DMPK: variants seen among roughly 807,000 people sequenced by gnomAD.
DMPK encodes the protein DM1 protein kinase, also known as myotonin-protein kinase.
Under a neutral mutation model 70.3 loss-of-function variants are expected in DMPK, and 32 were observed. The observed-to-expected ratio is 0.46, with a 90% CI of 0.34 to 0.61. The LOEUF (loss-of-function observed/expected upper bound fraction) is 0.61. Among genes scored for constraint, DMPK ranks in the 20% least tolerant of loss-of-function variants. The pLI, the probability that DMPK is intolerant of heterozygous loss-of-function variation, is 0.01. For missense variants in DMPK, 899 were observed against 886.0 expected (o/e 1.01, Z -0.19); for synonymous variants, 469 against 390.9 (o/e 1.20, Z -2.36).
chr19:45,778,410 G>A (rs1969903200), intron 5 of DMPK, 83 bp downstream of exon 5: 1 of 1,545,224 alleles, frequency 6.5e-7, no homozygotes, highest in Non-Finnish European at 8.8e-7. Context: ...TCCCTCTCCA[G>A]GCCCTGGCCT....
At chr19:45,782,054 A>T in intron 1 of DMPK, 139 bp downstream of exon 1, 1 of 794,842 alleles carries the variant, frequency 1.3e-6, no homozygotes, top group Non-Finnish European at 1.9e-6. Context: ...CCAGGTCCAC[A>T]CTCTGAGCCC....
Position 45,769,862 on chromosome 19 carries a change from G to A in DMPK, c.*626C>T. ...GTTGGGGGTCCTGTAGCCTGTCAGC[G>A]AGTCGGAGGACGAGGTCAATAAATA... On this transcript the variant is annotated 3_prime_UTR_variant, in exon 15 of 15. Coordinates refer to ENST00000291270, the MANE Select transcript of DMPK (RefSeq NM_004409.5). 4.0e-6 allele frequency: 1 copy of A among 246,954 alleles called. No homozygotes were observed. The highest frequency in any genetic ancestry group is 8.1e-6 in the Non-Finnish European group (1 of 123,930). The allele number at this position is 246,954 out of a possible 1,614,324, so 15.3% of individuals were successfully genotyped here. A position where few individuals can be genotyped will look rare whatever the true frequency, so the allele number is the denominator to read the frequency against.
chr19:45,780,201 C>T, intron 1 of DMPK: 1 of 1,464,416 alleles, frequency 6.8e-7, no homozygotes, highest in African/African-American at 1.4e-5. Context: ...GAAATAAGAC[C>T]CAGTTCTTCC....
chr19:45,778,337 T>C, intron 5 of DMPK, 117 bp from the exon 6 acceptor site: 1 of 1,367,124 alleles, frequency 7.3e-7, no homozygotes, highest in Non-Finnish European at 1.0e-6. Context: ...TCCGCCCCTG[T>C]AGGGCTTCTA....
intron 5 of DMPK, 120 bp downstream of exon 5, chr19:45,778,372 AC>A: frequency 1.3e-5 from 18 of 1,402,302 alleles, no homozygotes; most frequent in South Asian, 2.6e-5. Flanking sequence ...ACTCCCAGGC[AC>A]CCCCCGGTGG....
rs1171856974 is a variant in DMPK at position 45,771,061 on chromosome 19, C to T, written c.1648-1G>A. 1 of 1,525,274 alleles carries T rather than the reference C, an allele frequency of 6.6e-7. No individual in the cohort carries two copies. The highest frequency in any genetic ancestry group is 8.8e-7 in the Non-Finnish European group (1 of 1,137,498). The allele number at this position is 1,525,274 out of a possible 1,614,324, so 94.5% of individuals were successfully genotyped here. A position where few individuals can be genotyped will look rare whatever the true frequency, so the allele number is the denominator to read the frequency against. ...CAGCCACGGCCGGGGGGCCATCTAGCTGGAGAGAGAAGGGACAGGTGACCC... is the reference window on the plus strand; with the variant it reads ...CAGCCACGGCCGGGGGGCCATCTAGTTGGAGAGAGAAGGGACAGGTGACCC... On this transcript the variant is annotated splice_acceptor_variant, in intron 13 of 14. Transcript: ENST00000291270. LOFTEE classifies it high-confidence loss of function.
chr19:45,780,194 A>G (rs1006599584), intron 1 of DMPK: 8 of 1,458,086 alleles, frequency 5.5e-6, no homozygotes, highest in East Asian at 4.8e-5. Context: ...GGAGAAGGAA[A>G]TAAGACCCAG....
At chr19:45,778,349 A>G (rs1280702256) in intron 5 of DMPK, 129 bp from the exon 6 acceptor site, 2 of 1,350,850 alleles carry the variant, frequency 1.5e-6, no homozygotes, top group African/African-American at 1.5e-5. Flanking sequence ...GGGCTTCTAC[A>G]GTTCTGACCC....
chr19:45,781,250 G>C (rs1970099379), intron 1 of DMPK, among the ~76,000 whole-genome samples: 1 of 152,202 alleles, frequency 6.6e-6, no homozygotes, highest in African/African-American at 2.4e-5. Context: ...CCAGACATAT[G>C]AGGGCCAGAG....
chr19:45,770,052 G>A lies in DMPK; in HGVS notation c.*436C>T, dbSNP rs1969243037. The A allele has an allele frequency of 6.6e-6, 3 of 455,414 alleles. No homozygotes were observed. The highest frequency in any genetic ancestry group is 6.2e-5 in the South Asian group (3 of 48,516). The allele number at this position is 455,414 out of a possible 1,614,324, so 28.2% of individuals were successfully genotyped here. A position where few individuals can be genotyped will look rare whatever the true frequency, so the allele number is the denominator to read the frequency against. The stretch of plus-strand genomic sequence containing the variant: ...CCCCAGAGCAGGGCGTCATGCACAA[G>A]AAAGCTTTGCACTTTGCGAACCAAC... On this transcript the variant is annotated 3_prime_UTR_variant, in exon 15 of 15. Coordinates refer to ENST00000291270, the MANE Select transcript of DMPK (RefSeq NM_004409.5).
rs1380176187 is a variant in DMPK, at chr19:45,771,831, G to T, written c.1442C>A (p.Thr481Asn). The T allele has an allele frequency of 1.9e-6, 3 of 1,573,826 alleles. No individual in the cohort carries two copies. Among genetic ancestry groups the T allele is most frequent in the Non-Finnish European group, 2.6e-6 (3 of 1,159,740 alleles). The change falls in exon 11 of 15, where the codon ACC becomes AAC. Residue 481 changes from threonine (T) to asparagine (N), a missense_variant. Thr to Asn is a moderately conservative substitution (Grantham distance 65). Transcript: ENST00000291270. ...CATCTCCCGGCTCAGGCTCTGCCGG[G>T]TGAGCACCTCCTCCTCCAGGGCTTC... ...LQEALEEEVL[T>N]RQSLSREMEA...
intron 8 of DMPK, among the ~76,000 whole-genome samples, chr19:45,776,348 T>C (rs77359036): frequency 2.4e-4 from 11 of 46,168 alleles, no homozygotes; most frequent in Admixed American, 7.2e-4. Context: ...TTTCACCGTG[T>C]TAGCCAAGAT....
At chr19:45,781,016 G>C (rs887897044) in intron 1 of DMPK, among the ~76,000 whole-genome samples, 1 of 152,160 alleles carries the variant, frequency 6.6e-6, no homozygotes, top group Non-Finnish European at 1.5e-5. Flanking sequence ...AGTCATTAGG[G>C]GCTGTGGGAG....
intron 1 of DMPK, chr19:45,780,075 G>A (rs1970034675): frequency 6.6e-7 from 1 of 1,510,538 alleles, no homozygotes; most frequent in East Asian, 2.5e-5. Flanking sequence ...TGAGATGCCT[G>A]AGAAGCCCTT....
Position 45,770,125 on chromosome 19 carries a change from T to TA in DMPK, c.*362_*363insT, listed in dbSNP as rs1969248441. The TA allele has an allele frequency of 1.5e-6, 1 of 647,852 alleles. No individual in the cohort carries two copies. The highest frequency in any genetic ancestry group is 2.4e-5 in the Admixed American group (1 of 42,120). The allele number at this position is 647,852 out of a possible 1,614,324, so 40.1% of individuals were successfully genotyped here. A position where few individuals can be genotyped will look rare whatever the true frequency, so the allele number is the denominator to read the frequency against. On this transcript the variant is annotated 3_prime_UTR_variant, in exon 15 of 15. Coordinates refer to ENST00000291270, the MANE Select transcript of DMPK (RefSeq NM_004409.5). ...ATGGAACACGGACGGCCCGGCTTGC[T>TA]GCCTTCCCAGGCCTGCAGTTTGCCC...
Position 45,770,191 on chromosome 19 carries a change from G to T in DMPK, c.*297C>A. On this transcript the variant is annotated 3_prime_UTR_variant, in exon 15 of 15. Coordinates refer to ENST00000291270, the MANE Select transcript of DMPK (RefSeq NM_004409.5). The stretch of plus-strand genomic sequence containing the variant: ...TCAGCCTGGCCGAAAGAAAGAAATG[G>T]TCTGTGATCCCCCCAGCAGCAGCAG... 1 of 674,298 alleles carries T rather than the reference G, an allele frequency of 1.5e-6. No homozygotes were observed. The highest frequency in any genetic ancestry group is 3.4e-5 in the East Asian group (1 of 29,308). 41.8% of individuals were successfully genotyped at this position (674,298 alleles called of 1,614,324 possible). A position where few individuals can be genotyped will look rare whatever the true frequency, so the allele number is the denominator to read the frequency against.
Position 45,777,032 on chromosome 19 carries a change from C to T in DMPK, c.1146+295G>A, listed in dbSNP as rs73940321. Reference sequence around the variant, plus strand: ...AAGTCTCAGCTCAGATAGCTCCCCACTCCAGAAAGCCCTCCAGGACCTTCC... The same window carrying T: ...AAGTCTCAGCTCAGATAGCTCCCCATTCCAGAAAGCCCTCCAGGACCTTCC... On this transcript the variant is annotated intron_variant, in intron 8 of 14. Transcript: ENST00000291270. This position sits in a 1 kb window ranked among gnomAD's most constrained non-coding sequence, Gnocchi z 6.7. 766 of 363,780 alleles carry T rather than the reference C, an allele frequency of 2.1e-3. 2 individuals are homozygous for T. Among genetic ancestry groups the T allele is most frequent in the African/African-American group, 0.014 (680 of 48,126 alleles). The allele number at this position is 363,780 out of a possible 1,614,324, so 22.5% of individuals were successfully genotyped here.
chr19:45,771,097 C>T, intron 13 of DMPK, 37 bp from the exon 14 acceptor site: 1 of 1,471,754 alleles, frequency 6.8e-7, no homozygotes, highest in Non-Finnish European at 9.2e-7. Flanking sequence ...GATCGGAGCC[C>T]AGCCCAGCCC....
chr19:45,777,037 G>A lies in DMPK; in HGVS notation c.1146+290C>T, dbSNP rs1969811099. ...TCAGCTCAGATAGCTCCCCACTCCA[G>A]AAAGCCCTCCAGGACCTTCCTTGCT... On this transcript the variant is annotated intron_variant, in intron 8 of 14. Coordinates refer to ENST00000291270, the MANE Select transcript of DMPK (RefSeq NM_004409.5). The surrounding 1 kb of genome is among the most constrained non-coding windows in gnomAD (Gnocchi z 6.7). 1 of 373,410 alleles carries A rather than the reference G, an allele frequency of 2.7e-6. No homozygotes were observed. Among genetic ancestry groups the A allele is most frequent in the Non-Finnish European group, 4.8e-6 (1 of 208,366 alleles). 23.1% of individuals were successfully genotyped at this position (373,410 alleles called of 1,614,324 possible). A position where few individuals can be genotyped will look rare whatever the true frequency, so the allele number is the denominator to read the frequency against.
Sources: allele counts gnomAD v4.1 joint callset (sites outside exome capture counted in the v4.1 genomes callset), GRCh38; gene constraint gnomAD v4.1.1; non-coding constraint Gnocchi (gnomAD v3.1); transcripts MANE v1.5; gene names NCBI Gene and HGNC (gene_info 2026-07-23, HGNC 2026-07-21).